PPP1R9A: variants seen among roughly 807,000 people sequenced by gnomAD.
PPP1R9A encodes the protein protein phosphatase 1 regulatory subunit 9A, also known as neurabin-1.
In PPP1R9A, 59 loss-of-function variants were observed where a neutral mutation model predicts 141.9. The ratio of observed to expected loss-of-function variants is 0.42; its 90% confidence interval spans 0.34 to 0.52. The LOEUF is 0.52. Among genes scored for constraint, PPP1R9A ranks in the 20% least tolerant of loss-of-function variants. PPP1R9A has a pLI of 0.10. For missense variants in PPP1R9A, 1,444 were observed against 1,611.9 expected (o/e 0.90, Z 1.78); for synonymous variants, 500 against 569.7 (o/e 0.88, Z 1.74).
At chr7:95,190,588 C>G (rs567471890) in intron 5 of PPP1R9A, among the ~76,000 whole-genome samples, 1 of 152,224 alleles carries the variant, frequency 6.6e-6, no homozygotes, top group East Asian at 1.9e-4. Flanking sequence ...TAGCTGTTGT[C>G]TTCTCCCTCC....
chr7:95,220,166 G>C (rs1043659077), intron 7 of PPP1R9A, among the ~76,000 whole-genome samples: 2 of 152,108 alleles, frequency 1.3e-5, no homozygotes, highest in African/African-American at 2.4e-5. Flanking sequence ...AAAGAGAGAT[G>C]CTTCGGCAGA....
At chr7:94,981,468 G>C (rs1367474857) in intron 2 of PPP1R9A, among the ~76,000 whole-genome samples, 1 of 152,014 alleles carries the variant, frequency 6.6e-6, no homozygotes, top group Non-Finnish European at 1.5e-5. Context: ...TCAAACTCCT[G>C]ACCTCTGATG....
chr7:94,993,584 C>T (rs908871512), intron 2 of PPP1R9A, among the ~76,000 whole-genome samples: 1 of 152,076 alleles, frequency 6.6e-6, no homozygotes, highest in African/African-American at 2.4e-5. Context: ...TTTCTAGTTT[C>T]TAGTGTACAT....
chr7:95,039,961 A>C (rs1433026776), intron 2 of PPP1R9A, among the ~76,000 whole-genome samples: 3 of 152,156 alleles, frequency 2.0e-5, no homozygotes, highest in African/African-American at 7.2e-5. Context: ...ACCAAATACC[A>C]ACAGCCCACA....
chr7:95,096,415 T>C (rs536892998), intron 2 of PPP1R9A, among the ~76,000 whole-genome samples: 2 of 152,292 alleles, frequency 1.3e-5, no homozygotes, highest in South Asian at 4.1e-4. Context: ...GCCTTCCTTC[T>C]TCTGTTGCAC....
At chr7:95,082,879 C>T (rs908213999) in intron 2 of PPP1R9A, among the ~76,000 whole-genome samples, 7 of 150,634 alleles carry the variant, frequency 4.6e-5, no homozygotes, top group African/African-American at 1.7e-4. Flanking sequence ...CCTCAGCCTC[C>T]CAAGTAGCTG....
At position 95,251,821 on chromosome 7, in the gene PPP1R9A, A is replaced by C; in HGVS notation, c.2456A>C (p.Lys819Thr). ...AGAAAGAAAATAGAAGATTTGGAAA[A>C]AGCTCATCTTGTGGAAGTGCAAGGC... is the stretch of plus-strand genomic sequence containing the variant. ...AERKKIEDLE[K>T]AHLVEVQGLQ... The change falls in exon 11 of 20, where the codon AAA (lysine) becomes ACA (threonine). Residue 819 changes from lysine to threonine, a missense_variant. Around this residue, in one of 5 missense-constraint regions of PPP1R9A, gnomAD observed 488 missense variants for 542.0 expected, o/e 0.90. Transcript: ENST00000433360. 1.2e-6 allele frequency: 2 copies of C among 1,613,954 alleles called. No homozygotes were observed. Among genetic ancestry groups the C allele is most frequent in the South Asian group, 2.2e-5 (2 of 91,082 alleles).
chr7:94,944,299 C>CT (rs1795650042), intron 2 of PPP1R9A, among the ~76,000 whole-genome samples: 1 of 152,034 alleles, frequency 6.6e-6, no homozygotes, highest in Admixed American at 6.6e-5. Flanking sequence ...CACATATCCC[C>CT]TTTGATCACC....
At chr7:94,962,825 G>C (rs952144828) in intron 2 of PPP1R9A, among the ~76,000 whole-genome samples, 1 of 152,098 alleles carries the variant, frequency 6.6e-6, no homozygotes, top group East Asian at 1.9e-4. Flanking sequence ...TCCTGCTGGA[G>C]TCAAGCTCGC....
At chr7:95,029,306 G>A (rs1807329308) in intron 2 of PPP1R9A, among the ~76,000 whole-genome samples, 1 of 152,124 alleles carries the variant, frequency 6.6e-6, no homozygotes, top group Non-Finnish European at 1.5e-5. Context: ...TATTATTGTT[G>A]TGTAGTAAGT....
At chr7:95,174,768 C>G (rs1358041656) in intron 5 of PPP1R9A, among the ~76,000 whole-genome samples, 2 of 152,022 alleles carry the variant, frequency 1.3e-5, no homozygotes, top group Non-Finnish European at 2.9e-5. Flanking sequence ...TTTCTTGCAT[C>G]TAATTTTTTT....
intron 7 of PPP1R9A, among the ~76,000 whole-genome samples, chr7:95,221,183 G>A (rs145766433): frequency 3.9e-5 from 6 of 152,198 alleles, no homozygotes; most frequent in African/African-American, 9.6e-5. Context: ...GCGGTCACTC[G>A]TTTTGAGCAC....
At chr7:94,952,422 A>G (rs1325988957) in intron 2 of PPP1R9A, among the ~76,000 whole-genome samples, 1 of 152,158 alleles carries the variant, frequency 6.6e-6, no homozygotes, top group African/African-American at 2.4e-5. Flanking sequence ...ATACATGTGC[A>G]TGTGTCTTTA....
intron 2 of PPP1R9A, among the ~76,000 whole-genome samples, chr7:95,042,599 A>G (rs1809414797): frequency 6.6e-6 from 1 of 152,190 alleles, no homozygotes; most frequent in Admixed American, 6.5e-5. Flanking sequence ...ATAGTGTGTC[A>G]GTTTTATTAT....
chr7:94,932,182 A>G (rs569127220), intron 2 of PPP1R9A, among the ~76,000 whole-genome samples: 2 of 152,362 alleles, frequency 1.3e-5, no homozygotes, highest in Non-Finnish European at 2.9e-5. Flanking sequence ...TGCCCTTCTT[A>G]GAAATAATGG....
intron 2 of PPP1R9A, among the ~76,000 whole-genome samples, chr7:94,977,807 G>C (rs1048016257): frequency 6.7e-5 from 10 of 149,560 alleles, no homozygotes; most frequent in African/African-American, 2.5e-4. Flanking sequence ...CTGTCACCCA[G>C]GCTGGAGTTC....
chr7:95,286,666 ACACT>A (rs895495892), intron 18 of PPP1R9A, among the ~76,000 whole-genome samples: 4 of 152,024 alleles, frequency 2.6e-5, no homozygotes, highest in African/African-American at 9.7e-5. Flanking sequence ...CCTGACAACC[ACACT>A]CACTCCAAGA....
intron 4 of PPP1R9A, among the ~76,000 whole-genome samples, chr7:95,150,154 CAAAA>C (rs36047908): frequency 3.2e-5 from 3 of 92,446 alleles, no homozygotes; most frequent in Non-Finnish European, 7.6e-5. Context: ...ATCCCCCTGC[CAAAA>C]AAAAAAAAAA....
chr7:95,011,580 C>T (rs1195508266), intron 2 of PPP1R9A, among the ~76,000 whole-genome samples: 2 of 152,084 alleles, frequency 1.3e-5, no homozygotes, highest in Non-Finnish European at 2.9e-5. Flanking sequence ...TTATTAATCA[C>T]ACATTTACTA....
Sources: allele counts gnomAD v4.1 joint callset (sites outside exome capture counted in the v4.1 genomes callset), GRCh38; gene constraint gnomAD v4.1.1; regional missense constraint gnomAD v4.1.1; transcripts MANE v1.5; gene names NCBI Gene and HGNC (gene_info 2026-07-23, HGNC 2026-07-21).